Variants in TRDN observed in about 807,000 individuals in gnomAD.
TRDN encodes the protein triadin in skeletal muscle.
In TRDN, 161 loss-of-function variants were observed where a neutral mutation model predicts 149.7. The ratio of observed to expected loss-of-function variants is 1.08; its 90% CI spans 0.95 to 1.23. The LOEUF (loss-of-function observed/expected upper bound fraction) is 1.23. TRDN is among the 50% of genes most tolerant of loss of function. The probability of loss-of-function intolerance (pLI) is 0.00; values close to 1 mark genes in which losing one functional copy is unlikely to be tolerated. For synonymous variants in TRDN, 294 were observed against 250.5 expected, an observed-to-expected ratio of 1.17 and a Z score of -1.64; for missense variants, 896 against 823.5, an observed-to-expected ratio of 1.09 and a Z score of -1.08.
At chr6:123,626,845 G>T (rs561764885) in intron 1 of TRDN, among the ~76,000 whole-genome samples, 30 of 151,526 alleles carry the variant, frequency 2.0e-4, no homozygotes, top group African/African-American at 7.0e-4. Flanking sequence ...TAGTTTGCTT[G>T]GATCCATAAG....
intron 9 of TRDN, among the ~76,000 whole-genome samples, chr6:123,483,489 A>G (rs572899586): frequency 1.5e-4 from 23 of 152,316 alleles, no homozygotes; most frequent in African/African-American, 5.3e-4. Context: ...ATAAATAGGA[A>G]ACAATACTAA....
chr6:123,560,588 T>A (rs1001371904), intron 2 of TRDN, among the ~76,000 whole-genome samples: 4 of 152,118 alleles, frequency 2.6e-5, no homozygotes, highest in Non-Finnish European at 5.9e-5. Flanking sequence ...AGGGCTCAGA[T>A]CCCATCGCTC....
intron 4 of TRDN, among the ~76,000 whole-genome samples, chr6:123,535,964 G>A (rs1419664714): frequency 3.9e-5 from 6 of 152,050 alleles, no homozygotes; most frequent in Non-Finnish European, 5.9e-5. Flanking sequence ...ACAGCTTAAT[G>A]TTGAAGATAA....
chr6:123,514,415 C>T (rs1354439648), intron 6 of TRDN, among the ~76,000 whole-genome samples: 1 of 152,054 alleles, frequency 6.6e-6, no homozygotes, highest in Non-Finnish European at 1.5e-5. Context: ...TGAATTAATT[C>T]TTGAATGAAG....
At chr6:123,415,549 A>G (rs556876238) in intron 12 of TRDN, among the ~76,000 whole-genome samples, 1 of 152,360 alleles carries the variant, frequency 6.6e-6, no homozygotes, top group Admixed American at 6.5e-5. Context: ...AGTTCTTTCT[A>G]TCCCATATGT....
At chr6:123,229,577 G>T (rs894448639) in intron 38 of TRDN, among the ~76,000 whole-genome samples, 1 of 151,972 alleles carries the variant, frequency 6.6e-6, no homozygotes, top group East Asian at 1.9e-4. Context: ...GGTCAAAAAA[G>T]TTTCATGGCC....
chr6:123,564,821 G>C (rs1279090669), intron 2 of TRDN, among the ~76,000 whole-genome samples: 2 of 152,110 alleles, frequency 1.3e-5, no homozygotes, highest in African/African-American at 4.8e-5. Context: ...TTACAAAATT[G>C]GTTTGAAATA....
intron 38 of TRDN, among the ~76,000 whole-genome samples, chr6:123,249,683 A>T (rs1270556648): frequency 6.6e-6 from 1 of 152,176 alleles, no homozygotes; most frequent in Non-Finnish European, 1.5e-5. Context: ...TGAAACAGAA[A>T]ATCAAATTTA....
intron 38 of TRDN, among the ~76,000 whole-genome samples, chr6:123,225,667 A>G (rs1157511627): frequency 6.6e-6 from 1 of 151,738 alleles, no homozygotes; most frequent in Non-Finnish European, 1.5e-5. Context: ...AAATATATAT[A>G]TAATTTTTAT....
At chr6:123,336,245 G>A (rs924869629) in intron 22 of TRDN, among the ~76,000 whole-genome samples, 4 of 151,968 alleles carry the variant, frequency 2.6e-5, no homozygotes, top group African/African-American at 7.2e-5. Flanking sequence ...ATTTAAAGTA[G>A]GGCAGAGATG....
intron 6 of TRDN, among the ~76,000 whole-genome samples, chr6:123,513,804 A>G (rs866443872): frequency 2.0e-5 from 3 of 152,104 alleles, no homozygotes; most frequent in African/African-American, 7.2e-5. Context: ...TTTCAAGTGT[A>G]AATATACCAT....
At chr6:123,255,190 T>A in intron 36 of TRDN, 65 bp from the exon 37 acceptor site, 1 of 789,746 alleles carries the variant, frequency 1.3e-6, no homozygotes, top group East Asian at 3.0e-5. Context: ...CAAAATTTTG[T>A]CTCACATCAA....
At chr6:123,464,390 G>A (rs1776661318) in intron 10 of TRDN, 1 of 964,912 alleles carries the variant, frequency 1.0e-6, no homozygotes, top group East Asian at 1.1e-4. Flanking sequence ...GTGTGTGTGA[G>A]TGTGTGTGTA....
At chr6:123,253,949 A>C (rs1425946481) in intron 37 of TRDN, among the ~76,000 whole-genome samples, 1 of 152,112 alleles carries the variant, frequency 6.6e-6, no homozygotes, top group Non-Finnish European at 1.5e-5. Flanking sequence ...AGATGGCCTT[A>C]ACCATTATAG....
chr6:123,448,004 A>G (rs9490756), intron 10 of TRDN, among the ~76,000 whole-genome samples: 21,704 of 152,056 alleles, frequency 0.14, 2,111 homozygotes, highest in African/African-American at 0.28. Flanking sequence ...TGCAGGAGAA[A>G]TTTCCAACTT....
intron 38 of TRDN, among the ~76,000 whole-genome samples, chr6:123,238,218 T>A (rs749104324): frequency 3.3e-5 from 5 of 152,132 alleles, no homozygotes; most frequent in African/African-American, 4.8e-5. Flanking sequence ...ACTATTAAAC[T>A]GGCAAACATA....
intron 16 of TRDN, among the ~76,000 whole-genome samples, chr6:123,380,350 C>T (rs780570245): frequency 6.6e-6 from 1 of 152,142 alleles, no homozygotes; most frequent in African/African-American, 2.4e-5. Flanking sequence ...TACTATTTTT[C>T]GAATCTCCAG....
At chr6:123,586,778 A>C (rs1783509346) in intron 1 of TRDN, among the ~76,000 whole-genome samples, 1 of 152,002 alleles carries the variant, frequency 6.6e-6, no homozygotes, top group Non-Finnish European at 1.5e-5. Context: ...AGACAAACCC[A>C]GAGAAAAGAG....
intron 23 of TRDN, among the ~76,000 whole-genome samples, chr6:123,317,771 T>C (rs1779082706): frequency 6.6e-6 from 1 of 151,952 alleles, no homozygotes; most frequent in African/African-American, 2.4e-5. Flanking sequence ...GGGTGAAATA[T>C]CTGATATGTG....
Sources: allele counts gnomAD v4.1 joint callset (sites outside exome capture counted in the v4.1 genomes callset), GRCh38; gene constraint gnomAD v4.1.1; transcripts MANE v1.5; gene names NCBI Gene and HGNC (gene_info 2026-07-23, HGNC 2026-07-21).